Variants in TLK2 observed in about 807,000 individuals in gnomAD.
TLK2 encodes the protein serine/threonine-protein kinase tousled-like 2.
A neutral mutation model predicts 117.3 loss-of-function variants in TLK2; 6 were observed. The observed-to-expected ratio is 0.05, with a 90% confidence interval of 0.03 to 0.10. The LOEUF is 0.10. Ranked by LOEUF, TLK2 falls within the 10% of genes least tolerant of loss-of-function variation. The pLI is 1.00. For synonymous variants in TLK2, 257 were observed against 316.7 expected (o/e 0.81, Z 2.00); for missense variants, 299 against 901.2 (o/e 0.33, Z 8.56).
intron 6 of TLK2, among the ~76,000 whole-genome samples, chr17:62,535,557 A>G (rs2077051998): frequency 1.3e-5 from 2 of 152,064 alleles, no homozygotes; most frequent in Non-Finnish European, 2.9e-5. Context: ...ACCTGAGGTC[A>G]GGAGTTCGAG....
At position 62,527,604 on chromosome 17, in the gene TLK2, C is replaced by G. The variant is rs146160948; in HGVS notation, c.363+3273C>G. On this transcript the variant is annotated intron_variant, in intron 6 of 21. Coordinates refer to ENST00000346027, the MANE Select transcript of TLK2 (RefSeq NM_006852.6). ...GTCTAGCTCCTTTTGTTGCACGTTA[C>G]TTTTGTGAGGTTTATCCATTTCATT... Among the ~76,000 whole-genome samples the G allele has an allele frequency of 2.6e-3, 393 of 152,122 alleles. 2 individuals are homozygous for G. Among genetic ancestry groups the G allele is most frequent in the African/African-American group, 9.0e-3 (372 of 41,518 alleles).
chr17:62,516,179 C>A, intron 2 of TLK2: 1 of 567,610 alleles, frequency 1.8e-6, no homozygotes, highest in Non-Finnish European at 3.1e-6. Context: ...CTCACCTCGG[C>A]CTCCCAAAGT....
At chr17:62,569,190 A>C (rs919289143) in intron 11 of TLK2, among the ~76,000 whole-genome samples, 1 of 151,204 alleles carries the variant, frequency 6.6e-6, no homozygotes, top group East Asian at 2.1e-4. Context: ...CTATAGTCCC[A>C]GCTACCCAGG....
chr17:62,539,955 C>G (rs1450255111), intron 7 of TLK2, among the ~76,000 whole-genome samples: 2 of 152,146 alleles, frequency 1.3e-5, no homozygotes, highest in Non-Finnish European at 2.9e-5. Context: ...ACAAACATGT[C>G]AAATGTAACA....
chr17:62,589,926 C>T (rs1567981284), intron 16 of TLK2, among the ~76,000 whole-genome samples: 1 of 151,748 alleles, frequency 6.6e-6, no homozygotes, highest in Non-Finnish European at 1.5e-5. Context: ...CCTGCCTCAG[C>T]CTCCCGAGTA....
intron 21 of TLK2, among the ~76,000 whole-genome samples, chr17:62,611,710 G>A (rs1052496795): frequency 6.6e-6 from 1 of 152,178 alleles, no homozygotes; most frequent in Non-Finnish European, 1.5e-5. Flanking sequence ...AAAATAGGAA[G>A]AAAGCAAGCA....
At chr17:62,492,338 G>A (rs1032384132) in intron 2 of TLK2, among the ~76,000 whole-genome samples, 8 of 152,040 alleles carry the variant, frequency 5.3e-5, no homozygotes, top group Admixed American at 2.6e-4. Context: ...AATATACTCC[G>A]AAGACAGCAG....
chr17:62,473,666 G>A (rs2070983494), intron 1 of TLK2, among the ~76,000 whole-genome samples: 1 of 152,226 alleles, frequency 6.6e-6, no homozygotes, highest in Non-Finnish European at 1.5e-5. Flanking sequence ...GCAACCTAAA[G>A]TCTGAGAATC....
chr17:62,614,911 A>T lies in TLK2; in HGVS notation c.*2346A>T, dbSNP rs2084019982. On this transcript the variant is annotated 3_prime_UTR_variant, in exon 22 of 22. Transcript: ENST00000346027. ...AACTCACTGAAAACAATGAAGTTCT[A>T]TTCCTTTTTTCTTCCTCTCCAATGA... 6.6e-6 allele frequency: 1 copy of T among 152,152 alleles called. No homozygotes were observed. Among genetic ancestry groups the T allele is most frequent in the South Asian group, 2.1e-4 (1 of 4,826 alleles). 9.4% of individuals were successfully genotyped at this position (152,152 alleles called of 1,614,324 possible). A position where few individuals can be genotyped will look rare whatever the true frequency, so the allele number is the denominator to read the frequency against.
intron 2 of TLK2, among the ~76,000 whole-genome samples, chr17:62,504,106 C>A (rs1321679730): frequency 6.6e-6 from 1 of 152,150 alleles, no homozygotes; most frequent in Non-Finnish European, 1.5e-5. Context: ...TGTTGTAATA[C>A]ATGCTTGGTA....
intron 11 of TLK2, among the ~76,000 whole-genome samples, chr17:62,572,257 T>C (rs2080367899): frequency 6.6e-6 from 1 of 151,180 alleles, no homozygotes; most frequent in African/African-American, 2.4e-5. Flanking sequence ...AAAAGCACAG[T>C]AGAGGAAGAA....
chr17:62,610,058 T>C (rs577926879), intron 21 of TLK2, among the ~76,000 whole-genome samples: 1 of 152,362 alleles, frequency 6.6e-6, no homozygotes, highest in South Asian at 2.1e-4. Flanking sequence ...ACTGAGGGAC[T>C]TGAATACATT....
chr17:62,548,030 G>A (rs552854107), intron 7 of TLK2, among the ~76,000 whole-genome samples: 3 of 152,214 alleles, frequency 2.0e-5, no homozygotes, highest in African/African-American at 7.2e-5. Flanking sequence ...CCTTTGGAAT[G>A]TGCTTTAAGT....
At chr17:62,486,563 T>G (rs2072417491) in intron 2 of TLK2, among the ~76,000 whole-genome samples, 1 of 152,196 alleles carries the variant, frequency 6.6e-6, no homozygotes, top group South Asian at 2.1e-4. Context: ...TCAATCAACC[T>G]GTTGCAGTTT....
chr17:62,515,968 A>G (rs1472111801), intron 2 of TLK2, among the ~76,000 whole-genome samples: 1 of 151,998 alleles, frequency 6.6e-6, no homozygotes, highest in African/African-American at 2.4e-5. Context: ...TCTGTAGCCC[A>G]GGCTGGAGTG....
At chr17:62,578,030 A>G (rs2080938886) in intron 13 of TLK2, among the ~76,000 whole-genome samples, 1 of 152,238 alleles carries the variant, frequency 6.6e-6, no homozygotes, top group South Asian at 2.1e-4. Flanking sequence ...CTGGGTGACA[A>G]CAGCGAAACT....
chr17:62,490,684 GGCACGCGCCACC>G (rs945569294), intron 2 of TLK2, among the ~76,000 whole-genome samples: 30 of 152,198 alleles, frequency 2.0e-4, no homozygotes, highest in African/African-American at 6.5e-4. Flanking sequence ...TGGGACTATA[GGCACGCGCCACC>G]GCACGCAGCT....
chr17:62,499,574 G>T (rs2074013502), intron 2 of TLK2, among the ~76,000 whole-genome samples: 1 of 152,038 alleles, frequency 6.6e-6, no homozygotes, highest in Non-Finnish European at 1.5e-5. Flanking sequence ...TGTTTGCCAG[G>T]CAAGGTGGCT....
At chr17:62,581,192 G>A (rs147091897) in intron 15 of TLK2, among the ~76,000 whole-genome samples, 73 of 152,120 alleles carry the variant, frequency 4.8e-4, no homozygotes, top group African/African-American at 1.5e-3. Flanking sequence ...TTCTAGAGAC[G>A]GGGTCTTGCT....
Sources: allele counts gnomAD v4.1 joint callset (sites outside exome capture counted in the v4.1 genomes callset), GRCh38; gene constraint gnomAD v4.1.1; transcripts MANE v1.5; gene names NCBI Gene and HGNC (gene_info 2026-07-23, HGNC 2026-07-21).